Variants in RBM19 observed in about 807,000 individuals in gnomAD.
The protein encoded by RBM19 is RNA binding motif protein 19, also known as probable RNA-binding protein 19.
In RBM19, 94 loss-of-function variants were observed where a neutral mutation model predicts 116.8. That is an observed-to-expected ratio of 0.80 (90% confidence interval 0.68 to 0.95). The LOEUF (loss-of-function observed/expected upper bound fraction) is 0.95, where lower values mean the gene tolerates loss of function less well. RBM19 is among the 40% of genes least tolerant of loss of function. The pLI is 0.00. For synonymous variants in RBM19, 475 were observed against 494.1 expected (o/e 0.96, Z 0.51); for missense variants, 1,161 against 1,220.7 (o/e 0.95, Z 0.73).
rs1453525224 is a variant in RBM19 at position 113,822,144 on chromosome 12, T to C, written c.*1080A>G. 1 of 152,228 alleles carries C rather than the reference T, an allele frequency of 6.6e-6. No individual in the cohort carries two copies. The highest frequency in any genetic ancestry group is 2.4e-5 in the African/African-American group (1 of 41,448). The allele number at this position is 152,228 out of a possible 1,614,324, so 9.4% of individuals were successfully genotyped here. A position where few individuals can be genotyped will look rare whatever the true frequency, so the allele number is the denominator to read the frequency against. The stretch of plus-strand genomic sequence containing the variant: ...GAGGTAGGCACAATTATCACCCCCA[T>C]TTCCTAGAGAGAAAAACAGAGGCTC... On this transcript the variant is annotated 3_prime_UTR_variant, in exon 24 of 24. Coordinates refer to ENST00000261741, the MANE Select transcript of RBM19 (RefSeq NM_016196.4).
chr12:113,930,194 G>A (rs1481770208), intron 16 of RBM19, among the ~76,000 whole-genome samples: 1 of 152,238 alleles, frequency 6.6e-6, no homozygotes, highest in African/African-American at 2.4e-5. Flanking sequence ...GCCTGCCCCA[G>A]AGCACTGGCA....
At chr12:113,910,628 T>A (rs1882367224) in intron 21 of RBM19, among the ~76,000 whole-genome samples, 1 of 152,208 alleles carries the variant, frequency 6.6e-6, no homozygotes, top group Admixed American at 6.5e-5. Context: ...GCACCGTTAC[T>A]GTCTGTACCC....
Position 113,898,384 on chromosome 12 carries a change from T to C in RBM19, c.2558+16585A>G, listed in dbSNP as rs1333336621. On this transcript the variant is annotated intron_variant, in intron 21 of 23. Coordinates refer to ENST00000261741, the MANE Select transcript of RBM19 (RefSeq NM_016196.4). This position sits in a 1 kb window ranked among gnomAD's most constrained non-coding sequence, Gnocchi z 4.3. ...AAGTGACATCCTACAGACACAGACA[T>C]GATGCCTTTGGACACTAGAGTGTTC... Among the ~76,000 whole-genome samples the C allele has an allele frequency of 1.3e-5, 2 of 152,290 alleles. No homozygotes were observed. Among genetic ancestry groups the C allele is most frequent in the Non-Finnish European group, 1.5e-5 (1 of 68,022 alleles).
At chr12:113,829,196 C>G (rs1301422351) in intron 23 of RBM19, among the ~76,000 whole-genome samples, 3 of 152,202 alleles carry the variant, frequency 2.0e-5, no homozygotes, top group Admixed American at 6.5e-5. Context: ...TGAGATTTCA[C>G]CATGTTGGAC....
At chr12:113,953,847 A>C (rs1486228230) in intron 7 of RBM19, among the ~76,000 whole-genome samples, 1 of 148,238 alleles carries the variant, frequency 6.7e-6, no homozygotes, top group East Asian at 2.0e-4. Flanking sequence ...TGGTTTTTAC[A>C]TTTTAAAGGA....
intron 21 of RBM19, among the ~76,000 whole-genome samples, chr12:113,872,750 G>A (rs1325584433): frequency 4.6e-4 from 17 of 37,362 alleles, no homozygotes; most frequent in Admixed American, 1.6e-3. Flanking sequence ...AGGGAGGTGG[G>A]GGGGGGTCAG....
chr12:113,940,080 G>A lies in RBM19; in HGVS notation c.1818C>T (p.Thr606=). The part of the protein sequence containing the change: ...AGTLAAQLQE[T]FGHFGSLGRV... Reference sequence around the variant, plus strand: ...GGCCCAGGCTGCCAAAATGGCCGAAGGTCTCCTGCAGCTGGGCCGCCAGGG... The same window carrying A: ...GGCCCAGGCTGCCAAAATGGCCGAAAGTCTCCTGCAGCTGGGCCGCCAGGG... Residue 606 remains threonine, a synonymous_variant, in exon 15 of 24, where the codon ACC becomes ACT. Transcript: ENST00000261741. 6.2e-7 allele frequency: 1 copy of A among 1,614,008 alleles called. No homozygotes were observed. The highest frequency in any genetic ancestry group is 1.1e-5 in the South Asian group (1 of 91,076).
chr12:113,911,966 T>A (rs7962824), intron 21 of RBM19, among the ~76,000 whole-genome samples: 1 of 152,072 alleles, frequency 6.6e-6, no homozygotes, highest in Non-Finnish European at 1.5e-5. Flanking sequence ...TCCACTGCTG[T>A]GCCTCTCTCT....
chr12:113,879,081 T>C (rs1593524044), intron 21 of RBM19, among the ~76,000 whole-genome samples: 1 of 152,038 alleles, frequency 6.6e-6, no homozygotes, highest in Non-Finnish European at 1.5e-5. Context: ...GGCTTCCCCG[T>C]CCCCGCCAGC....
At chr12:113,929,473 C>T (rs1869409850) in intron 16 of RBM19, among the ~76,000 whole-genome samples, 1 of 152,174 alleles carries the variant, frequency 6.6e-6, no homozygotes, top group East Asian at 1.9e-4. Context: ...ACACAATTTA[C>T]CCAACAAGAG....
At chr12:113,836,843 C>CACAG (rs1206326903) in intron 23 of RBM19, among the ~76,000 whole-genome samples, 6 of 143,492 alleles carry the variant, frequency 4.2e-5, no homozygotes, top group African/African-American at 1.6e-4. Flanking sequence ...CACACACACA[C>CACAG]GTGTCCCAAG....
intron 16 of RBM19, among the ~76,000 whole-genome samples, chr12:113,927,773 A>G (rs1869238857): frequency 6.6e-6 from 1 of 152,324 alleles, no homozygotes; most frequent in East Asian, 1.9e-4. Context: ...TTCAGGAAGC[A>G]TATACACAAA....
chr12:113,844,594 C>T (rs746440187), intron 23 of RBM19, 74 bp downstream of exon 23: 39 of 1,527,390 alleles, frequency 2.6e-5, no homozygotes, highest in Non-Finnish European at 3.3e-5. Flanking sequence ...GGGCAGTTCT[C>T]TCAGATGTCC....
chr12:113,965,254 C>T (rs1040324248), intron 1 of RBM19, among the ~76,000 whole-genome samples: 2 of 148,570 alleles, frequency 1.3e-5, no homozygotes, highest in Non-Finnish European at 3.0e-5. Flanking sequence ...CGCAGTCCAG[C>T]CTGGGAGACA....
chr12:113,821,956 A>G (rs984563523), downstream of RBM19: 1 of 152,172 alleles, frequency 6.6e-6, no homozygotes, highest in African/African-American at 2.4e-5. Context: ...CATCCCCACC[A>G]AAATGCACAG....
chr12:113,952,088 C>A (rs192432466), intron 8 of RBM19, among the ~76,000 whole-genome samples: 1 of 150,560 alleles, frequency 6.6e-6, no homozygotes, highest in East Asian at 2.0e-4. Context: ...AAGGGAGGTG[C>A]CTGGTTGGTT....
Position 113,947,333 on chromosome 12 carries a change from C to T in RBM19, c.1407+1G>A. On this transcript the variant is annotated splice_donor_variant, in intron 11 of 23. Transcript: ENST00000261741. LOFTEE classifies it high-confidence loss of function. ...CTGGCCAGCCCAGGACGGGGCCTCA[C>T]CTGGAATACCTGCCCGTCCACCTCC... 1 of 1,592,448 alleles carries T rather than the reference C, an allele frequency of 6.3e-7. No individual in the cohort carries two copies. The highest frequency in any genetic ancestry group is 1.1e-5 in the South Asian group (1 of 89,794).
intron 21 of RBM19, among the ~76,000 whole-genome samples, chr12:113,904,449 C>T (rs544493615): frequency 3.3e-5 from 5 of 152,266 alleles, no homozygotes; most frequent in South Asian, 2.1e-4. Context: ...CTGACTTGTG[C>T]GCTTCAGTTC....
At chr12:113,885,422 C>T (rs1308556665) in intron 21 of RBM19, among the ~76,000 whole-genome samples, 3 of 152,034 alleles carry the variant, frequency 2.0e-5, no homozygotes, top group African/African-American at 7.2e-5. Flanking sequence ...TTAAAGAAAA[C>T]TAAAGAGACA....
Sources: allele counts gnomAD v4.1 joint callset (sites outside exome capture counted in the v4.1 genomes callset), GRCh38; gene constraint gnomAD v4.1.1; non-coding constraint Gnocchi (gnomAD v3.1); transcripts MANE v1.5; gene names NCBI Gene and HGNC (gene_info 2026-07-23, HGNC 2026-07-21).